The following FANCA variants were observed in gnomAD, a reference collection of about 807,000 sequenced individuals.
FANCA encodes Fanconi anemia group A protein.
Under a neutral mutation model 194.3 loss-of-function variants are expected in FANCA, and 236 were observed. The ratio of observed to expected loss-of-function variants is 1.21; its 90% CI spans 1.09 to 1.35. The LOEUF (loss-of-function observed/expected upper bound fraction) is 1.35. Ranked by LOEUF, FANCA falls within the 40% of genes most tolerant of loss-of-function variation. The probability of loss-of-function intolerance (pLI) is 0.00; values close to 1 mark genes in which losing one functional copy is unlikely to be tolerated. For missense variants in FANCA, 2,628 were observed against 1,813.9 expected (o/e 1.45, Z -8.15); for synonymous variants, 1,014 against 715.8 (o/e 1.42, Z -6.65).
chr16:89,791,901 A>G (rs1216976662), intron 13 of FANCA, 26 bp downstream of exon 13: 19 of 1,613,890 alleles, frequency 1.2e-5, no homozygotes, highest in Non-Finnish European at 1.6e-5. Flanking sequence ...CTTGACCAGC[A>G]CCACCGGGCT....
chr16:89,737,859 C>T lies in FANCA; in HGVS notation c.*742G>A. 1 of 1,614,214 alleles carries T rather than the reference C, an allele frequency of 6.2e-7. No individual in the cohort carries two copies. The highest frequency in any genetic ancestry group is 8.5e-7 in the Non-Finnish European group (1 of 1,180,044). On this transcript the variant is annotated 3_prime_UTR_variant, in exon 43 of 43. Transcript: ENST00000389301. Reference sequence around the variant, plus strand: ...TGGACAAACCTTCAAGCAGCGGAAGCACCTTCTCGTCCACCAAATGCGACA... The same window carrying T: ...TGGACAAACCTTCAAGCAGCGGAAGTACCTTCTCGTCCACCAAATGCGACA...
chr16:89,759,550 C>T (rs970553517), intron 29 of FANCA, among the ~76,000 whole-genome samples: 3 of 151,764 alleles, frequency 2.0e-5, no homozygotes, highest in African/African-American at 7.3e-5. Flanking sequence ...CACTTGAGCC[C>T]AGGAGTCTGA....
chr16:89,802,710 C>CT (rs989381683), intron 8 of FANCA, among the ~76,000 whole-genome samples: 171 of 151,708 alleles, frequency 1.1e-3, no homozygotes, highest in Admixed American at 2.1e-3. Flanking sequence ...GCCAGCTATT[C>CT]TTTTTTTTTA....
At chr16:89,750,482 C>CG in intron 31 of FANCA, among the ~76,000 whole-genome samples, 1 of 109,894 alleles carries the variant, frequency 9.1e-6, no homozygotes, top group Non-Finnish European at 2.0e-5. Context: ...GACTCCGTCT[C>CG]AAAAAAAAAC....
intron 27 of FANCA, 75 bp downstream of exon 27, chr16:89,767,066 C>T (rs548124940): frequency 8.2e-6 from 10 of 1,218,212 alleles, no homozygotes; most frequent in South Asian, 4.8e-5. Context: ...CAGCAGACCT[C>T]GGCCTTCCGG....
At chr16:89,749,960 C>T (rs1048464399) in intron 31 of FANCA, 58 bp from the exon 32 acceptor site, 15 of 1,595,172 alleles carry the variant, frequency 9.4e-6, no homozygotes, top group South Asian at 7.7e-5. Context: ...CCCAGCCAGT[C>T]GGGGACCCAG....
At position 89,793,512 on chromosome 16, in the gene FANCA, T is replaced by C. The variant is rs543416587; in HGVS notation, c.1007-965A>G. On this transcript the variant is annotated intron_variant, in intron 11 of 42. Coordinates refer to ENST00000389301, the MANE Select transcript of FANCA (RefSeq NM_000135.4). ...AATCATATCTAAGATCTATATCTGG[T>C]ATAACTATTCTTGTTTTATATTTTA... Among the ~76,000 whole-genome samples, 8 of 152,344 alleles carry C rather than the reference T, an allele frequency of 5.3e-5. No homozygotes were observed. In the East Asian group the frequency reaches 1.4e-3, roughly 26 times the overall value.
intron 15 of FANCA, among the ~76,000 whole-genome samples, chr16:89,783,384 A>C (rs1057125665): frequency 1.3e-5 from 2 of 151,942 alleles, no homozygotes; most frequent in African/African-American, 4.8e-5. Flanking sequence ...CCCTGTCTCT[A>C]CTAAAAATAC....
At chr16:89,791,899 G>C (rs776627469) in intron 13 of FANCA, 28 bp downstream of exon 13, 1 of 1,613,756 alleles carries the variant, frequency 6.2e-7, no homozygotes, top group Admixed American at 1.7e-5. Flanking sequence ...CTCTTGACCA[G>C]CACCACCGGG....
chr16:89,785,854 T>G lies in FANCA; in HGVS notation c.1360-890A>C, dbSNP rs1279730445. ...CTTTCTGAAAGCGTGCAAAATTGTGTTTTGTTTTTTTTTTTTTGGAGACAG... is the reference window on the plus strand; with the variant it reads ...CTTTCTGAAAGCGTGCAAAATTGTGGTTTGTTTTTTTTTTTTTGGAGACAG... On this transcript the variant is annotated intron_variant, in intron 14 of 42. Coordinates refer to ENST00000389301, the MANE Select transcript of FANCA (RefSeq NM_000135.4). Among the ~76,000 whole-genome samples the G allele has an allele frequency of 5.8e-5, 3 of 51,334 alleles. No homozygotes were observed. In the Admixed American group the frequency reaches 7.2e-4, roughly 12 times the overall value. 33.7% of individuals were successfully genotyped at this position (51,334 alleles called of 152,430 possible).
At position 89,811,059 on chromosome 16, in the gene FANCA, TGCAAA is replaced by T. The variant is rs1206078224; in HGVS notation, c.291_295del (p.Leu98GlyfsTer21). 6.2e-7 allele frequency: 1 copy of T among 1,614,036 alleles called. No homozygotes were observed. The highest frequency in any genetic ancestry group is 1.7e-5 in the Admixed American group (1 of 60,024). ...AACCCCCAGCCTTGAGGCTTGATCC[TGCAAA>T]GCAGAGCCTTAAACACAAAACAAAA... On this transcript the variant is annotated frameshift_variant, in exon 4 of 43. Transcript: ENST00000389301. LOFTEE classifies it high-confidence loss of function.
At position 89,792,007 on chromosome 16, in the gene FANCA, T is replaced by G. The variant is rs747766198; in HGVS notation, c.1145A>C (p.Gln382Pro). The G allele has an allele frequency of 6.2e-7, 1 of 1,614,216 alleles. No individual in the cohort carries two copies. Among genetic ancestry groups the G allele is most frequent in the South Asian group, 1.1e-5 (1 of 91,090 alleles). ...VGHLQEVLET[Q>P]EVHWQRVLSF... ...GAGCACTCTCTGCCAGTGAACCTCC[T>G]GCGTTTCCAGAACTTCTTGCAAATG... The change falls in exon 13 of 43, where the codon CAG (glutamine) becomes CCG (proline). Residue 382 changes from glutamine (Q) to proline (P), a missense_variant. Gln to Pro is a moderately conservative substitution (Grantham distance 76, BLOSUM62 -1). Coordinates refer to ENST00000389301, the MANE Select transcript of FANCA (RefSeq NM_000135.4).
chr16:89,778,821 C>A lies in FANCA; in HGVS notation c.1806G>T (p.Ala602=), dbSNP rs550064744. The A allele has an allele frequency of 1.9e-6, 3 of 1,614,006 alleles. No homozygotes were observed. The highest frequency in any genetic ancestry group is 2.5e-6 in the Non-Finnish European group (3 of 1,179,992). The change falls in exon 20 of 43, where the codon GCG becomes GCT. Residue 602 remains alanine (A), a synonymous_variant. Transcript: ENST00000389301. The part of the protein sequence containing the change: ...VLPKVPDSRV[A]FIESLKRADK... ...CATACCTCTTCAGAGACTCTATAAA[C>A]GCCACACGGGAGTCAGGGACTTTGG...
chr16:89,812,922 ATT>A (rs2040955258), intron 3 of FANCA, among the ~76,000 whole-genome samples: 6 of 151,390 alleles, frequency 4.0e-5, no homozygotes, highest in African/African-American at 1.5e-4. Context: ...AATCCCAGCT[ATT>A]CGGGAGGCTG....
At chr16:89,740,129 A>G (rs781481768) in intron 38 of FANCA, 30 bp from the exon 39 acceptor site, 1 of 1,577,162 alleles carries the variant, frequency 6.3e-7, no homozygotes, top group South Asian at 1.1e-5. Flanking sequence ...AACCCTGAGA[A>G]TGGCCGACCT....
chr16:89,755,113 A>C (rs1208161870), intron 30 of FANCA, among the ~76,000 whole-genome samples: 2 of 152,202 alleles, frequency 1.3e-5, no homozygotes, highest in African/African-American at 4.8e-5. Context: ...CAAGGGTGCC[A>C]AGACCATTCA....
At chr16:89,753,776 C>T (rs991023182) in intron 30 of FANCA, among the ~76,000 whole-genome samples, 4 of 152,272 alleles carry the variant, frequency 2.6e-5, no homozygotes, top group East Asian at 1.9e-4. Context: ...GCACTGGGGA[C>T]AGACACGGTG....
intron 28 of FANCA, among the ~76,000 whole-genome samples, chr16:89,764,049 C>G (rs146593297): frequency 2.0e-5 from 3 of 152,036 alleles, no homozygotes; most frequent in East Asian, 1.9e-4. Context: ...TAAGACCAGC[C>G]TGGACAACAT....
intron 20 of FANCA, among the ~76,000 whole-genome samples, chr16:89,777,510 G>C (rs2039549849): frequency 6.6e-6 from 1 of 151,718 alleles, no homozygotes; most frequent in Non-Finnish European, 1.5e-5. Context: ...TGGATCACAA[G>C]ATCAGGAGTT....
Sources: gnomAD v4.1 joint callset for allele counts (sites outside exome capture counted in the v4.1 genomes callset) on GRCh38, gnomAD v4.1.1 for gene constraint, MANE v1.5 for transcripts, NCBI Gene and HGNC (gene_info 2026-07-23, HGNC 2026-07-21) for gene names.